The following CLIC4 variants were observed in gnomAD, a reference collection of about 807,000 sequenced individuals.
The protein encoded by CLIC4 is chloride intracellular channel protein 4.
In CLIC4, 13 loss-of-function variants were observed where a neutral mutation model predicts 24.6. That is an observed-to-expected ratio of 0.53 (90% confidence interval 0.34 to 0.84). CLIC4 has a LOEUF of 0.84. Among genes scored for constraint, CLIC4 ranks in the 40% least tolerant of loss-of-function variants. The probability of loss-of-function intolerance (pLI) is 0.01; values close to 1 mark genes in which losing one functional copy is unlikely to be tolerated. For synonymous variants in CLIC4, 104 were observed against 111.3 expected (o/e 0.93, Z 0.41); for missense variants, 227 against 301.7 (o/e 0.75, Z 1.83).
intron 4 of CLIC4, among the ~76,000 whole-genome samples, chr1:24,837,579 C>T (rs1245368845): frequency 6.6e-6 from 1 of 152,144 alleles, no homozygotes; most frequent in Admixed American, 6.5e-5. Context: ...CATACAAGAA[C>T]ATCAAAAGAA....
intron 1 of CLIC4, among the ~76,000 whole-genome samples, chr1:24,764,365 G>T (rs969640015): frequency 6.6e-6 from 1 of 151,636 alleles, no homozygotes; most frequent in Non-Finnish European, 1.5e-5. Flanking sequence ...CTCCCGAAGT[G>T]CTGGGATTAC....
chr1:24,792,486 G>T lies in CLIC4; in HGVS notation c.73-5256G>T, dbSNP rs561789960. 1.1e-4 allele frequency among the ~76,000 whole-genome samples: 16 copies of T among 152,152 alleles called. No individual in the cohort carries two copies. In the South Asian group the frequency reaches 2.9e-3, roughly 28 times the overall value. On this transcript the variant is annotated intron_variant, in intron 1 of 5. Coordinates refer to ENST00000374379, the MANE Select transcript of CLIC4 (RefSeq NM_013943.3). ...GGATTACGGGCATGAACTATTGTGC[G>T]TGGCCTTTTCTATACTTTAAAAATT...
intron 1 of CLIC4, among the ~76,000 whole-genome samples, chr1:24,769,890 A>G (rs1639050970): frequency 6.6e-6 from 1 of 151,280 alleles, no homozygotes; most frequent in Non-Finnish European, 1.5e-5. Flanking sequence ...GCAGAGTTTC[A>G]CTGTTGCCCA....
chr1:24,801,480 C>T (rs1270728455), intron 2 of CLIC4, among the ~76,000 whole-genome samples: 1 of 152,196 alleles, frequency 6.6e-6, no homozygotes, highest in Non-Finnish European at 1.5e-5. Flanking sequence ...GATCCAGTCA[C>T]CTCCCACAAG....
intron 1 of CLIC4, among the ~76,000 whole-genome samples, chr1:24,795,250 C>T (rs1002254764): frequency 1.4e-4 from 21 of 152,092 alleles, no homozygotes; most frequent in Admixed American, 1.2e-3. Context: ...AGATTTGTAC[C>T]ACTCTGATTT....
At chr1:24,820,062 A>AAATAT (rs1330793262) in intron 3 of CLIC4, among the ~76,000 whole-genome samples, 4 of 24,738 alleles carry the variant, frequency 1.6e-4, no homozygotes, top group Non-Finnish European at 2.8e-4. Flanking sequence ...AAAAAAAAAA[A>AAATAT]GTATGTATAT....
chr1:24,813,234 G>A (rs1333267926), intron 2 of CLIC4, among the ~76,000 whole-genome samples: 1 of 151,466 alleles, frequency 6.6e-6, no homozygotes, highest in Non-Finnish European at 1.5e-5. Flanking sequence ...AGTAGAGATG[G>A]GGTTTCACCA....
chr1:24,824,589 T>G (rs1230620579), intron 3 of CLIC4, among the ~76,000 whole-genome samples: 1 of 152,144 alleles, frequency 6.6e-6, no homozygotes, highest in Non-Finnish European at 1.5e-5. Flanking sequence ...TACTTTTAAT[T>G]AGCTGAGTGA....
At chr1:24,799,652 G>T (rs1170309969) in intron 2 of CLIC4, among the ~76,000 whole-genome samples, 7 of 141,670 alleles carry the variant, frequency 4.9e-5, no homozygotes, top group Non-Finnish European at 9.2e-5. Context: ...GGAGGTGGGG[G>T]GGGTCAGCCC....
chr1:24,762,293 A>G (rs925254174), intron 1 of CLIC4, among the ~76,000 whole-genome samples: 3 of 152,114 alleles, frequency 2.0e-5, no homozygotes, highest in Non-Finnish European at 4.4e-5. Context: ...GTGATGTCAC[A>G]TGCCTATAGT....
intron 1 of CLIC4, among the ~76,000 whole-genome samples, chr1:24,750,436 C>CTTTCTTTCT (rs1553188418): frequency 5.1e-5 from 7 of 137,510 alleles, no homozygotes; most frequent in African/African-American, 1.9e-4. Flanking sequence ...TTCTTTCTTT[C>CTTTCTTTCT]TTTTTTTTTT....
At chr1:24,831,881 T>A (rs1408150748) in intron 4 of CLIC4, among the ~76,000 whole-genome samples, 3 of 152,234 alleles carry the variant, frequency 2.0e-5, no homozygotes, top group Non-Finnish European at 2.9e-5. Context: ...TCAGGTGATC[T>A]ACCTGCCTTG....
chr1:24,814,852 G>A, intron 3 of CLIC4, among the ~76,000 whole-genome samples: 1 of 152,266 alleles, frequency 6.6e-6, no homozygotes, highest in African/African-American at 2.4e-5. Flanking sequence ...GGCTTTTCCA[G>A]TTTCATTATC....
At chr1:24,809,744 A>G (rs777051460) in intron 2 of CLIC4, among the ~76,000 whole-genome samples, 6 of 152,202 alleles carry the variant, frequency 3.9e-5, no homozygotes, top group Non-Finnish European at 8.8e-5. Flanking sequence ...TACAAGCATG[A>G]GCCACCATGC....
chr1:24,783,188 T>TA (rs1639225901), intron 1 of CLIC4, among the ~76,000 whole-genome samples: 1 of 152,152 alleles, frequency 6.6e-6, no homozygotes, highest in South Asian at 2.1e-4. Context: ...GTTGTTACGT[T>TA]ACAGTTATAA....
At chr1:24,824,996 T>TCACACA (rs3220273) in intron 3 of CLIC4, among the ~76,000 whole-genome samples, 12,535 of 133,750 alleles carry the variant, frequency 0.094, 622 homozygotes, top group Non-Finnish European at 0.11. Context: ...GGAGACCCTG[T>TCACACA]CACACACACA....
At chr1:24,831,473 A>G (rs1639839901) in intron 4 of CLIC4, among the ~76,000 whole-genome samples, 1 of 152,220 alleles carries the variant, frequency 6.6e-6, no homozygotes. Context: ...CATTTGCTCA[A>G]AAACTTGTCA....
chr1:24,820,067 G>GTGTGTGTA (rs1212033050), intron 3 of CLIC4, among the ~76,000 whole-genome samples: 8 of 36,470 alleles, frequency 2.2e-4, no homozygotes, highest in East Asian at 1.1e-3. Flanking sequence ...AAAAAAGTAT[G>GTGTGTGTA]TATATATATA....
intron 2 of CLIC4, among the ~76,000 whole-genome samples, chr1:24,800,980 T>C (rs927973374): frequency 6.6e-6 from 1 of 150,410 alleles, no homozygotes; most frequent in African/African-American, 2.5e-5. Flanking sequence ...GTTCACTTGT[T>C]TATCTGCTGA....
Sources: allele counts gnomAD v4.1 joint callset (sites outside exome capture counted in the v4.1 genomes callset), GRCh38; gene constraint gnomAD v4.1.1; transcripts MANE v1.5; gene names NCBI Gene and HGNC (gene_info 2026-07-23, HGNC 2026-07-21).